PRR11: variants seen among roughly 807,000 people sequenced by gnomAD.
The protein encoded by PRR11 is proline rich 11.
In PRR11, 30 loss-of-function variants were observed where a neutral mutation model predicts 45.6. The ratio of observed to expected loss-of-function variants is 0.66; its 90% confidence interval spans 0.49 to 0.89. The LOEUF is 0.89. PRR11 is among the 40% of genes least tolerant of loss of function. PRR11 has a pLI of 0.00. For synonymous variants in PRR11, 128 were observed against 153.5 expected, an observed-to-expected ratio of 0.83 and a Z score of 1.23; for missense variants, 373 against 424.8, an observed-to-expected ratio of 0.88 and a Z score of 1.07.
intron 2 of PRR11, among the ~76,000 whole-genome samples, chr17:59,172,821 T>A (rs1206700207): frequency 6.6e-6 from 1 of 152,228 alleles, no homozygotes; most frequent in Non-Finnish European, 1.5e-5. Context: ...GGTGGGCCCC[T>A]GCACCACCTG....
At chr17:59,183,052 C>T (rs1174423120) in intron 2 of PRR11, among the ~76,000 whole-genome samples, 1 of 152,156 alleles carries the variant, frequency 6.6e-6, no homozygotes, top group Non-Finnish European at 1.5e-5. Context: ...CCAGTCCTTC[C>T]AATCAGGAAG....
intron 1 of PRR11, among the ~76,000 whole-genome samples, chr17:59,162,966 G>A (rs2046661171): frequency 6.6e-6 from 1 of 151,956 alleles, no homozygotes; most frequent in Non-Finnish European, 1.5e-5. Context: ...CCGACCTCAG[G>A]TGATCTGCCT....
chr17:59,175,145 G>T, intron 2 of PRR11: 2 of 547,104 alleles, frequency 3.7e-6, no homozygotes, highest in Admixed American at 2.6e-5. Flanking sequence ...CAGAAATCAG[G>T]TTGCCGCTCA....
At chr17:59,170,795 CA>C (rs1248747735) in intron 2 of PRR11, among the ~76,000 whole-genome samples, 2 of 152,082 alleles carry the variant, frequency 1.3e-5, no homozygotes, top group African/African-American at 4.8e-5. Flanking sequence ...ACCAAAACCC[CA>C]TTAAGGAAAA....
chr17:59,169,841 A>G lies in PRR11; in HGVS notation c.89A>G (p.Lys30Arg), dbSNP rs753896130. The G allele has an allele frequency of 6.2e-7, 1 of 1,611,244 alleles. No individual in the cohort carries two copies. The highest frequency in any genetic ancestry group is 1.7e-5 in the Admixed American group (1 of 59,450). The change falls in exon 2 of 10, where the codon AAG becomes AGG. Residue 30 changes from lysine to arginine, a missense_variant. Transcript: ENST00000262293. ...KKKEASHFQSKLITPPPPPPS... is the reference protein window; with the variant it reads ...KKKEASHFQSRLITPPPPPPS... ...AAAGAAGCCTCTCACTTTCAGTCCA[A>G]GCTAATTACACCTCCTCCTCCACCA...
At chr17:59,183,700 T>C (rs1246588101) in intron 2 of PRR11, among the ~76,000 whole-genome samples, 1 of 152,202 alleles carries the variant, frequency 6.6e-6, no homozygotes, top group African/African-American at 2.4e-5. Flanking sequence ...GAAACTCTAG[T>C]CTATATATTA....
At chr17:59,185,236 A>G in intron 3 of PRR11, 32 bp downstream of exon 3, 5 of 1,609,404 alleles carry the variant, frequency 3.1e-6, no homozygotes, top group Non-Finnish European at 4.2e-6. Flanking sequence ...TTTCAGTGCT[A>G]TAGTTTTTCT....
At chr17:59,173,441 G>T (rs1340344320) in intron 2 of PRR11, among the ~76,000 whole-genome samples, 1 of 152,190 alleles carries the variant, frequency 6.6e-6, no homozygotes. Flanking sequence ...TTTATGAGCT[G>T]TAACACTCAC....
intron 2 of PRR11, among the ~76,000 whole-genome samples, chr17:59,170,420 T>A (rs1417295194): frequency 6.6e-6 from 1 of 152,122 alleles, no homozygotes; most frequent in Non-Finnish European, 1.5e-5. Context: ...TATTTACTTT[T>A]GAGACTGAGT....
intron 7 of PRR11, 137 bp downstream of exon 7, chr17:59,195,580 AACTGAAATCT>A: frequency 1.8e-6 from 1 of 566,148 alleles, no homozygotes; most frequent in Middle Eastern, 2.8e-4. Flanking sequence ...ATTATAGAAA[AACTGAAATCT>A]ACAGAAAAGT....
At position 59,155,756 on chromosome 17, in the gene PRR11, TG is replaced by T. The variant is rs2046619622; in HGVS notation, c.-52del. ...TAATTTTGAATTTTTCTTTATGGCG[TG>T]GGAGAGGCCACAGCCCGGACTCCAT... On this transcript the variant is annotated 5_prime_UTR_variant, in exon 1 of 10. It introduces an in-frame stop codon into an upstream open reading frame of the 5' UTR. Transcript: ENST00000262293. 6.2e-6 allele frequency: 1 copy of T among 162,582 alleles called. No individual in the cohort carries two copies. The highest frequency in any genetic ancestry group is 1.4e-5 in the Non-Finnish European group (1 of 72,988). The allele number at this position is 162,582 out of a possible 1,614,324, so 10.1% of individuals were successfully genotyped here. A position where few individuals can be genotyped will look rare whatever the true frequency, so the allele number is the denominator to read the frequency against.
intron 1 of PRR11, among the ~76,000 whole-genome samples, chr17:59,162,546 C>T (rs991073716): frequency 1.3e-5 from 2 of 152,070 alleles, no homozygotes; most frequent in African/African-American, 4.8e-5. Context: ...TTTAAACCAC[C>T]CCTCTGTAAT....
In PRR11 at chr17:59,201,615, TTGA is replaced by T. The variant is rs1451537536; in HGVS notation, c.1071_1073del (p.Asp357del). 1 of 1,613,618 alleles carries T rather than the reference TTGA, an allele frequency of 6.2e-7. No individual in the cohort carries two copies. The highest frequency in any genetic ancestry group is 8.5e-7 in the Non-Finnish European group (1 of 1,180,020). On this transcript the variant is annotated inframe_deletion, in exon 10 of 10. Transcript: ENST00000262293. Reference sequence around the variant, plus strand: ...ACTCTGCCACTTTCTACAAGCAGCTTTGATGAACAAAACTGATGCCAACTCTGC... The same window carrying T: ...ACTCTGCCACTTTCTACAAGCAGCTTTGAACAAAACTGATGCCAACTCTGC...
chr17:59,182,001 T>G (rs1412953023), intron 2 of PRR11, among the ~76,000 whole-genome samples: 1 of 145,976 alleles, frequency 6.9e-6, no homozygotes, highest in Admixed American at 7.1e-5. Flanking sequence ...GAGTCCCTCC[T>G]TTTTTGCTTG....
At chr17:59,189,437 A>G (rs991400710) in intron 4 of PRR11, among the ~76,000 whole-genome samples, 3 of 151,930 alleles carry the variant, frequency 2.0e-5, no homozygotes, top group African/African-American at 7.3e-5. Flanking sequence ...GGGTTCAAGC[A>G]GTTCTTCTGC....
chr17:59,188,313 C>T (rs1020444759), intron 4 of PRR11, among the ~76,000 whole-genome samples: 1 of 152,144 alleles, frequency 6.6e-6, no homozygotes, highest in Non-Finnish European at 1.5e-5. Context: ...AACAGGTGCT[C>T]TCTTGTTATT....
intron 7 of PRR11, among the ~76,000 whole-genome samples, chr17:59,197,321 T>G (rs8070744): frequency 0.44 from 66,390 of 150,762 alleles, 16,669 homozygotes; most frequent in African/African-American, 0.7. Context: ...GTGCAATCTT[T>G]GCTCACTGCA....
chr17:59,200,427 T>G (rs2046886651), intron 9 of PRR11, among the ~76,000 whole-genome samples: 1 of 152,204 alleles, frequency 6.6e-6, no homozygotes, highest in Non-Finnish European at 1.5e-5. Flanking sequence ...AGACTCTGCC[T>G]TGACAAATAA....
At chr17:59,187,349 G>C (rs2046819166) in intron 4 of PRR11, among the ~76,000 whole-genome samples, 1 of 152,152 alleles carries the variant, frequency 6.6e-6, no homozygotes, top group African/African-American at 2.4e-5. Flanking sequence ...TGAGGAGGGT[G>C]GATCACTTGA....
Sources: gnomAD v4.1 joint callset for allele counts (sites outside exome capture counted in the v4.1 genomes callset) on GRCh38, gnomAD v4.1.1 for gene constraint, MANE v1.5 for transcripts, NCBI Gene and HGNC (gene_info 2026-07-23, HGNC 2026-07-21) for gene names.